Variants in FAM161B observed in about 807,000 individuals in gnomAD.
The protein encoded by FAM161B is protein FAM161B.
A neutral mutation model predicts 61.5 loss-of-function variants in FAM161B; 46 were observed. The observed-to-expected ratio is 0.75, with a 90% CI of 0.59 to 0.96. FAM161B has a LOEUF of 0.96. FAM161B is among the 40% of genes least tolerant of loss of function. The probability of loss-of-function intolerance (pLI) is 0.00; values close to 1 mark genes in which losing one functional copy is unlikely to be tolerated. For missense variants in FAM161B, 774 were observed against 800.7 expected, an observed-to-expected ratio of 0.97 and a Z score of 0.40; for synonymous variants, 284 against 302.7, an observed-to-expected ratio of 0.94 and a Z score of 0.64.
rs145067382 is a variant in FAM161B at position 73,933,810 on chromosome 14, T to G, written c.*446A>C. 1,423 of 154,166 alleles carry G rather than the reference T, an allele frequency of 9.2e-3. 20 individuals are homozygous for G. Among genetic ancestry groups the G allele is most frequent in the Admixed American group, 0.034 (528 of 15,470 alleles). 9.5% of individuals were successfully genotyped at this position (154,166 alleles called of 1,614,324 possible). A position where few individuals can be genotyped will look rare whatever the true frequency, so the allele number is the denominator to read the frequency against. On this transcript the variant is annotated 3_prime_UTR_variant, in exon 9 of 9. Coordinates refer to ENST00000286544, the MANE Select transcript of FAM161B (RefSeq NM_152445.3). Reference sequence around the variant, plus strand: ...CCCCACTTTGATTTCCTTGAACTATTCTCTGTTATCTGCTGCTCTTTTTTT... The same window carrying G: ...CCCCACTTTGATTTCCTTGAACTATGCTCTGTTATCTGCTGCTCTTTTTTT...
intron 1 of FAM161B, among the ~76,000 whole-genome samples, chr14:73,947,925 ATT>A (rs60171220): frequency 6.7e-6 from 1 of 149,730 alleles, no homozygotes; most frequent in Non-Finnish European, 1.5e-5. Context: ...TGACTGAGCA[ATT>A]TTTTTTTTTT....
chr14:73,936,021 TCTTCCTCCAGCCCAGCCTG>T lies in FAM161B; in HGVS notation c.1714_1732del (p.Gln572ThrfsTer3). Reference sequence around the variant, plus strand: ...GCCTTGACCCTTGTTTCTCACAAAGTCTTCCTCCAGCCCAGCCTGCTTCAGGGTGTCTAGATACCACTGT... The same window carrying T: ...GCCTTGACCCTTGTTTCTCACAAAGTCTTCAGGGTGTCTAGATACCACTGT... On this transcript the variant is annotated frameshift_variant, in exon 8 of 9. Transcript: ENST00000286544. LOFTEE classifies it high-confidence loss of function. 1.2e-6 allele frequency: 2 copies of T among 1,613,984 alleles called. No homozygotes were observed. The highest frequency in any genetic ancestry group is 1.7e-6 in the Non-Finnish European group (2 of 1,179,916).
At position 73,946,480 on chromosome 14, in the gene FAM161B, A is replaced by G; in HGVS notation, c.180T>C (p.Thr60=). ...GGTAAATGCTCCCAGTTGAGTCAGA[A>G]GTAGAATCTATCTCCTCCTCTGGGC... ...FLSPEEEIDS[T]SDSTGSIYQN... is the part of the protein sequence containing the mutation. Residue 60 remains threonine (T), a synonymous_variant, in exon 2 of 9, where the codon ACT becomes ACC. Transcript: ENST00000286544. The G allele has an allele frequency of 6.2e-7, 1 of 1,614,190 alleles. No homozygotes were observed.
intron 7 of FAM161B, among the ~76,000 whole-genome samples, chr14:73,936,316 G>C (rs1323174190): frequency 6.6e-6 from 1 of 152,130 alleles, no homozygotes; most frequent in Non-Finnish European, 1.5e-5. Flanking sequence ...GTCAGATGAG[G>C]ACTGTAATTC....
Position 73,934,148 on chromosome 14 carries a change from C to T in FAM161B, c.*108G>A. 2 of 1,321,046 alleles carry T rather than the reference C, an allele frequency of 1.5e-6. No individual in the cohort carries two copies. Among genetic ancestry groups the T allele is most frequent in the Admixed American group, 2.4e-5 (1 of 41,934 alleles). The allele number at this position is 1,321,046 out of a possible 1,614,324, so 81.8% of individuals were successfully genotyped here. ...GTTAATCTGCTACTCTTCATTTGTC[C>T]ATCCTCTAACAGTAGCCATGACTCA... On this transcript the variant is annotated 3_prime_UTR_variant, in exon 9 of 9. Transcript: ENST00000286544.
chr14:73,937,447 T>G (rs1311320079), intron 7 of FAM161B, among the ~76,000 whole-genome samples, 155 bp downstream of exon 7: 1 of 152,212 alleles, frequency 6.6e-6, no homozygotes, highest in Non-Finnish European at 1.5e-5. Flanking sequence ...GCATTCTCTA[T>G]TGTACTATTT....
chr14:73,923,553 G>C, the FAM161B span: 5 of 1,598,162 alleles, frequency 3.1e-6, no homozygotes, highest in Non-Finnish European at 4.3e-6. Context: ...TTGTTTCTGT[G>C]ACAATTCATG....
chr14:73,949,663 T>C (rs984878916), intron 1 of FAM161B, among the ~76,000 whole-genome samples: 1 of 151,594 alleles, frequency 6.6e-6, no homozygotes, highest in Non-Finnish European at 1.5e-5. Context: ...CCGGCCAAAT[T>C]TGGGGAGCAA....
chr14:73,941,244 C>T (rs550287186), intron 4 of FAM161B, among the ~76,000 whole-genome samples, 191 bp from the exon 5 acceptor site: 4 of 151,502 alleles, frequency 2.6e-5, no homozygotes, highest in East Asian at 1.9e-4. Context: ...CAGCCTCCCA[C>T]GTAGCTGGGA....
intron 1 of FAM161B, among the ~76,000 whole-genome samples, chr14:73,948,670 T>C (rs1427254485): frequency 2.6e-5 from 4 of 152,156 alleles, no homozygotes; most frequent in Non-Finnish European, 5.9e-5. Flanking sequence ...ATACACAGAG[T>C]TGTGCAACTA....
chr14:73,925,348 TGAGA>T, the FAM161B span, among the ~76,000 whole-genome samples: 2 of 152,196 alleles, frequency 1.3e-5, no homozygotes, highest in East Asian at 3.9e-4. Flanking sequence ...CAGAGTACAG[TGAGA>T]GAGAGACTAG....
intron 6 of FAM161B, 53 bp from the exon 7 acceptor site, chr14:73,937,754 C>T: frequency 1.9e-6 from 3 of 1,587,480 alleles, no homozygotes; most frequent in East Asian, 4.5e-5. Flanking sequence ...ATCCAGAATA[C>T]CCTTCATTTC....
chr14:73,936,196 T>C (rs1027683254), intron 7 of FAM161B, 108 bp from the exon 8 acceptor site: 119 of 1,251,872 alleles, frequency 9.5e-5, no homozygotes, highest in Non-Finnish European at 5.2e-5. Flanking sequence ...ACCACCCTTA[T>C]TGTGGGGCAT....
At position 73,944,708 on chromosome 14, in the gene FAM161B, C is replaced by T. The variant is rs991542217; in HGVS notation, c.552G>A (p.Lys184=). 6.2e-7 allele frequency: 1 copy of T among 1,605,722 alleles called. No homozygotes were observed. Residue 184 remains lysine, a synonymous_variant, in exon 3 of 9, where the codon AAG becomes AAA. Transcript: ENST00000286544. ...PFRMTLREAR[K]KAEWLGSPAS... ...CAGGTGAGCCCAGCCACTCGGCCTT[C>T]TTCCGGGCCTCGCGCAGCGTCATGC...
chr14:73,936,154 A>G, intron 7 of FAM161B, 66 bp from the exon 8 acceptor site: 1 of 1,500,992 alleles, frequency 6.7e-7, no homozygotes, highest in Non-Finnish European at 9.0e-7. Flanking sequence ...AAATTACTTA[A>G]TCAGTATTGT....
downstream of FAM161B, among the ~76,000 whole-genome samples, chr14:73,929,894 C>A (rs1300215274): frequency 6.6e-6 from 1 of 152,096 alleles, no homozygotes; most frequent in Non-Finnish European, 1.5e-5. Flanking sequence ...TGGACAATCT[C>A]TATTTTCCCT....
At chr14:73,939,685 G>A (rs576743736) in intron 5 of FAM161B, among the ~76,000 whole-genome samples, 1 of 152,346 alleles carries the variant, frequency 6.6e-6, no homozygotes, top group African/African-American at 2.4e-5. Context: ...AACTGGAAAT[G>A]AGCCTCCCTC....
chr14:73,925,132 G>A, the FAM161B span, among the ~76,000 whole-genome samples: 1 of 105,102 alleles, frequency 9.5e-6, no homozygotes, highest in East Asian at 2.8e-4. Context: ...CTTTTGCCAG[G>A]ACTTTTCTTT....
chr14:73,935,302 T>C (rs1480892388), intron 8 of FAM161B, among the ~76,000 whole-genome samples: 5 of 151,476 alleles, frequency 3.3e-5, no homozygotes, highest in African/African-American at 1.2e-4. Flanking sequence ...CTGAGGAGGG[T>C]AGATCACGAG....
Sources: gnomAD v4.1 joint callset for allele counts (sites outside exome capture counted in the v4.1 genomes callset) on GRCh38, gnomAD v4.1.1 for gene constraint, MANE v1.5 for transcripts, NCBI Gene and HGNC (gene_info 2026-07-23, HGNC 2026-07-21) for gene names.